Variants in TIAM1 observed in about 807,000 individuals in gnomAD.
TIAM1 encodes the protein rho guanine nucleotide exchange factor TIAM1.
TIAM1 carries 65 observed loss-of-function variants against 163.5 expected under a neutral mutation model. The observed-to-expected ratio is 0.40, with a 90% confidence interval of 0.33 to 0.49. TIAM1 has a LOEUF of 0.49. Ranked by LOEUF, TIAM1 falls within the 20% of genes least tolerant of loss-of-function variation. The probability of loss-of-function intolerance (pLI) is 0.77; values close to 1 mark genes in which losing one functional copy is unlikely to be tolerated. For synonymous variants in TIAM1, 833 were observed against 810.1 expected (o/e 1.03, Z -0.48); for missense variants, 1,789 against 2,044.7 (o/e 0.87, Z 2.41).
chr21:31,454,773 C>T (rs559837515), intron 2 of TIAM1, among the ~76,000 whole-genome samples: 4 of 152,224 alleles, frequency 2.6e-5, no homozygotes, highest in Non-Finnish European at 5.9e-5. Context: ...TAGAATGAAC[C>T]TTGTGGAGCT....
chr21:31,237,549 T>C (rs2070957697), intron 6 of TIAM1, among the ~76,000 whole-genome samples: 1 of 152,220 alleles, frequency 6.6e-6, no homozygotes, highest in Non-Finnish European at 1.5e-5. Context: ...TTACCATCAT[T>C]ATCACACTTA....
intron 1 of TIAM1, among the ~76,000 whole-genome samples, chr21:31,541,031 G>A (rs1601034160): frequency 6.6e-6 from 1 of 152,174 alleles, no homozygotes; most frequent in African/African-American, 2.4e-5. Flanking sequence ...CTGGAAGGCA[G>A]TTTGGCAATT....
Position 31,182,401 on chromosome 21 carries a change from A to G in TIAM1, c.2887+20T>C. ...CACAACGGAGTTCAGACTCGCCCCCAGCACCCTGCACAGCCATACCTGGGT... is the reference window on the plus strand; with the variant it reads ...CACAACGGAGTTCAGACTCGCCCCCGGCACCCTGCACAGCCATACCTGGGT... On this transcript the variant is annotated intron_variant, in intron 15 of 27. Coordinates refer to ENST00000541036, the MANE Select transcript of TIAM1 (RefSeq NM_001353694.2). 1 of 1,517,160 alleles carries G rather than the reference A, an allele frequency of 6.6e-7. No homozygotes were observed. The highest frequency in any genetic ancestry group is 8.8e-7 in the Non-Finnish European group (1 of 1,135,544). The allele number at this position is 1,517,160 out of a possible 1,614,324, so 94.0% of individuals were successfully genotyped here. A position where few individuals can be genotyped will look rare whatever the true frequency, so the allele number is the denominator to read the frequency against.
intron 11 of TIAM1, among the ~76,000 whole-genome samples, chr21:31,209,484 C>T (rs2146547173): frequency 6.6e-6 from 1 of 152,286 alleles, no homozygotes; most frequent in East Asian, 1.9e-4. Context: ...AAGGCTAATT[C>T]TGTGTTCACA....
intron 25 of TIAM1, among the ~76,000 whole-genome samples, chr21:31,129,845 C>T (rs561354451): frequency 3.9e-5 from 6 of 152,210 alleles, no homozygotes; most frequent in African/African-American, 1.4e-4. Context: ...TTTATGTGGG[C>T]TTTGTTTGCT....
intron 2 of TIAM1, among the ~76,000 whole-genome samples, chr21:31,327,829 A>G (rs575379891): frequency 2.0e-5 from 3 of 152,032 alleles, no homozygotes; most frequent in Non-Finnish European, 4.4e-5. Flanking sequence ...CATGGTCCAC[A>G]TGAAATGGTG....
At chr21:31,396,190 G>C (rs73356902) in intron 2 of TIAM1, among the ~76,000 whole-genome samples, 5,186 of 152,268 alleles carry the variant, frequency 0.034, 306 homozygotes, top group African/African-American at 0.12. Context: ...GCTTGTTTGT[G>C]GTTCAACTTA....
intron 12 of TIAM1, 93 bp from the exon 13 acceptor site, chr21:31,195,398 A>C: frequency 1.1e-6 from 1 of 882,240 alleles, no homozygotes. Flanking sequence ...TTCACAATTG[A>C]TACTTACGTG....
At chr21:31,326,782 C>T (rs1381534274) in intron 2 of TIAM1, among the ~76,000 whole-genome samples, 6 of 152,202 alleles carry the variant, frequency 3.9e-5, no homozygotes, top group Admixed American at 3.9e-4. Context: ...CCTTCCCTAC[C>T]TTCCAGTGAT....
intron 10 of TIAM1, among the ~76,000 whole-genome samples, chr21:31,210,813 A>AGTC (rs1555891452): frequency 1.1e-4 from 16 of 148,872 alleles, no homozygotes; most frequent in Non-Finnish European, 2.4e-4. Flanking sequence ...AAAGAAAGAA[A>AGTC]GGTCACCATT....
chr21:31,549,474 A>T (rs1156277294), intron 1 of TIAM1, among the ~76,000 whole-genome samples: 1 of 36,166 alleles, frequency 2.8e-5, no homozygotes, highest in Non-Finnish European at 5.2e-5. Context: ...ACTTATTAAT[A>T]AAAAAAAATT....
intron 11 of TIAM1, among the ~76,000 whole-genome samples, chr21:31,209,193 C>T (rs1272307398): frequency 6.6e-6 from 1 of 152,200 alleles, no homozygotes; most frequent in Non-Finnish European, 1.5e-5. Flanking sequence ...CTGAGCTTCA[C>T]TTCCTCCATG....
intron 12 of TIAM1, among the ~76,000 whole-genome samples, chr21:31,201,990 AT>A (rs199790701): frequency 1.3e-5 from 2 of 151,396 alleles, no homozygotes; most frequent in East Asian, 1.9e-4. Context: ...TTAGCATTTC[AT>A]TTTTTTTTCT....
Position 31,468,677 on chromosome 21 carries a change from G to A in TIAM1, c.-421-4642C>T, listed in dbSNP as rs535944352. Reference sequence around the variant, plus strand: ...TGTTGTCCCAGTGACTTGGGAGGCTGAGGCAGGAGAATGGCGTGAACCCGG... The same window carrying A: ...TGTTGTCCCAGTGACTTGGGAGGCTAAGGCAGGAGAATGGCGTGAACCCGG... On this transcript the variant is annotated intron_variant, in intron 1 of 28. Coordinates refer to the TIAM1 transcript ENST00000286827. 3.3e-5 allele frequency among the ~76,000 whole-genome samples: 5 copies of A among 152,202 alleles called. No individual in the cohort carries two copies. In the South Asian group the frequency reaches 1.0e-3, roughly 32 times the overall value.
intron 14 of TIAM1, 33 bp downstream of exon 14, chr21:31,186,968 G>T (rs766260324): frequency 1.3e-6 from 2 of 1,591,672 alleles, no homozygotes; most frequent in Middle Eastern, 1.7e-4. Flanking sequence ...GGGCATTTAA[G>T]ACAGACAGAC....
intron 16 of TIAM1, among the ~76,000 whole-genome samples, chr21:31,157,720 C>T (rs1023726845): frequency 1.3e-5 from 2 of 151,976 alleles, no homozygotes; most frequent in Non-Finnish European, 2.9e-5. Context: ...CAGAGAAAAC[C>T]CACGAAGACC....
intron 13 of TIAM1, among the ~76,000 whole-genome samples, chr21:31,192,481 G>A (rs540649512): frequency 1.5e-3 from 225 of 152,212 alleles, no homozygotes; most frequent in Non-Finnish European, 2.1e-3. Context: ...GCCAGGCATG[G>A]TGGCACACGC....
intron 7 of TIAM1, among the ~76,000 whole-genome samples, chr21:31,224,409 G>C (rs1388254985): frequency 3.9e-5 from 6 of 152,228 alleles, no homozygotes; most frequent in Non-Finnish European, 7.3e-5. Context: ...CAGAACCCAG[G>C]AGTAAAGTGC....
intron 2 of TIAM1, among the ~76,000 whole-genome samples, chr21:31,331,862 C>T (rs2075687397): frequency 6.6e-6 from 1 of 152,164 alleles, no homozygotes; most frequent in South Asian, 2.1e-4. Flanking sequence ...ACTCACATTT[C>T]AATACCAACT....
Sources: gnomAD v4.1 joint callset for allele counts (sites outside exome capture counted in the v4.1 genomes callset) on GRCh38, gnomAD v4.1.1 for gene constraint, MANE v1.5 for transcripts, NCBI Gene and HGNC (gene_info 2026-07-23, HGNC 2026-07-21) for gene names.